The following IRS2 variants were observed in gnomAD, a reference collection of about 807,000 sequenced individuals.
IRS2 encodes the protein insulin receptor substrate 2.
A neutral mutation model predicts 70.9 loss-of-function variants in IRS2; 28 were observed. The ratio of observed to expected loss-of-function variants is 0.39; its 90% CI spans 0.29 to 0.54. The LOEUF is 0.54. Among genes scored for constraint, IRS2 ranks in the 20% least tolerant of loss-of-function variants. The probability of loss-of-function intolerance (pLI) is 0.59; values close to 1 mark genes in which losing one functional copy is unlikely to be tolerated. For missense variants in IRS2, 2,081 were observed against 2,024.1 expected (o/e 1.03, Z -0.54); for synonymous variants, 1,217 against 981.9 (o/e 1.24, Z -4.48).
Position 109,753,002 on chromosome 13 carries a change from C to G in IRS2, c.*3302G>C, listed in dbSNP as rs1404590327. ...TTGAGACGGAGTTTCGCTCTTGTTGCCCAGGCTGGAGTGCAATGGCATTAT... is the reference window on the plus strand; with the variant it reads ...TTGAGACGGAGTTTCGCTCTTGTTGGCCAGGCTGGAGTGCAATGGCATTAT... On this transcript the variant is annotated 3_prime_UTR_variant, in exon 2 of 2. Coordinates refer to ENST00000375856, the MANE Select transcript of IRS2 (RefSeq NM_003749.3). The G allele has an allele frequency of 1.5e-5, 2 of 134,582 alleles. No homozygotes were observed. The highest frequency in any genetic ancestry group is 5.4e-5 in the African/African-American group (2 of 36,816). 8.3% of individuals were successfully genotyped at this position (134,582 alleles called of 1,614,324 possible).
In IRS2 at chr13:109,783,957, G is replaced by A. The variant is rs1877822846; in HGVS notation, c.2097C>T (p.Ala699=). 1 of 1,508,924 alleles carries A rather than the reference G, an allele frequency of 6.6e-7. No individual in the cohort carries two copies. The highest frequency in any genetic ancestry group is 2.5e-5 in the East Asian group (1 of 39,922). 93.5% of individuals were successfully genotyped at this position (1,508,924 alleles called of 1,614,324 possible). The part of the protein sequence containing the change: ...ILQPRAAAAA[A]AAVPSAGPAG... ...CAGGCCCCGCAGAAGGCACGGCGGCGGCGGCGGCGGCGGCGGCCCTGGGCT... is the reference window on the plus strand; with the variant it reads ...CAGGCCCCGCAGAAGGCACGGCGGCAGCGGCGGCGGCGGCGGCCCTGGGCT... Residue 699 remains alanine, a synonymous_variant, in exon 1 of 2, where the codon GCC becomes GCT. Coordinates refer to ENST00000375856, the MANE Select transcript of IRS2 (RefSeq NM_003749.3).
At chr13:109,757,749 T>C (rs1322866471) in intron 1 of IRS2, among the ~76,000 whole-genome samples, 2 of 152,204 alleles carry the variant, frequency 1.3e-5, no homozygotes, top group East Asian at 3.8e-4. Context: ...TGGCATGATC[T>C]TGGTTCACTG....
rs2138929668 is a variant in IRS2, at chr13:109,782,418, AG to A, written c.3635del (p.Pro1212LeufsTer47). The A allele has an allele frequency of 6.3e-7, 1 of 1,598,456 alleles. No homozygotes were observed. The stretch of plus-strand genomic sequence containing the variant: ...TCCACGGCCGGCCCTGCGGTGCCAA[AG>A]GGGGCGCCGGCTGCAACTGTCGTGG... The part of the protein sequence containing the change: ...TSPRQLQPAP[P>X]LAPQGRPWTP... On this transcript the variant is annotated frameshift_variant, in exon 1 of 2. Transcript: ENST00000375856. LOFTEE classifies it high-confidence loss of function.
chr13:109,782,821 C>A lies in IRS2; in HGVS notation c.3233G>T (p.Gly1078Val), dbSNP rs1285821453. 2 of 1,590,510 alleles carry A rather than the reference C, an allele frequency of 1.3e-6. No individual in the cohort carries two copies. The highest frequency in any genetic ancestry group is 1.8e-5 in the Admixed American group (1 of 56,406). Reference protein sequence around the residue: ...DNGDYTEMAFGVAATPPQPIA... With the variant: ...DNGDYTEMAFVVAATPPQPIA... ...AGGTTGCGGCGGGGTGGCGGCCACA[C>A]CAAAAGCCATCTCGGTGTAGTCACC... is the stretch of plus-strand genomic sequence containing the variant. The change falls in exon 1 of 2, where the codon GGT becomes GTT. Residue 1078 changes from glycine (G) to valine (V), a missense_variant. By Grantham distance (109) the Gly-to-Val change is moderately radical. Around this residue, in one of 4 missense-constraint regions of IRS2, gnomAD observed 1,615 missense variants for 1,459.5 expected, o/e 1.11. Transcript: ENST00000375856.
rs1196498218 is a variant in IRS2, at chr13:109,782,744, C to A, written c.3310G>T (p.Gly1104Cys). The change falls in exon 1 of 2, where the codon GGC becomes TGC. Residue 1104 changes from glycine to cysteine, a missense_variant. Gly to Cys is a radical substitution (Grantham distance 159, BLOSUM62 -3). Coordinates refer to ENST00000375856, the MANE Select transcript of IRS2 (RefSeq NM_003749.3). ...TCCATGAGGCTCAGCCTCTTCACGC[C>A]CGACGTCGGGCTGGCCACGCGGGCA... ...EAARVASPTSGVKRLSLMEQV... is the reference protein window; with the variant it reads ...EAARVASPTSCVKRLSLMEQV... The A allele has an allele frequency of 6.3e-7, 1 of 1,599,354 alleles. No homozygotes were observed.
At chr13:109,762,910 T>C (rs1046668661) in intron 1 of IRS2, among the ~76,000 whole-genome samples, 7 of 152,194 alleles carry the variant, frequency 4.6e-5, no homozygotes, top group Non-Finnish European at 1.5e-5. Flanking sequence ...AAGAAAACCC[T>C]TTCCAGCCCA....
At chr13:109,759,172 G>T (rs1234254814) in intron 1 of IRS2, among the ~76,000 whole-genome samples, 4 of 152,210 alleles carry the variant, frequency 2.6e-5, no homozygotes, top group Admixed American at 2.6e-4. Flanking sequence ...CCTGTCTCCT[G>T]TTAGGTTAAT....
At chr13:109,769,368 T>C (rs899555002) in intron 1 of IRS2, among the ~76,000 whole-genome samples, 1 of 152,212 alleles carries the variant, frequency 6.6e-6, no homozygotes, top group African/African-American at 2.4e-5. Flanking sequence ...CAATTCCTCC[T>C]GGTCCCTTAC....
intron 1 of IRS2, among the ~76,000 whole-genome samples, chr13:109,768,887 A>G (rs192086368): frequency 1.3e-5 from 2 of 152,248 alleles, no homozygotes; most frequent in Admixed American, 1.3e-4. Context: ...CAGGCCTCAG[A>G]TTTTCCATTA....
Position 109,783,511 on chromosome 13 carries a change from C to G in IRS2, c.2543G>C (p.Ser848Thr). 1 of 1,547,634 alleles carries G rather than the reference C, an allele frequency of 6.5e-7. No individual in the cohort carries two copies. Among genetic ancestry groups the G allele is most frequent in the Non-Finnish European group, 8.7e-7 (1 of 1,146,156 alleles). The change falls in exon 1 of 2, where the codon AGC becomes ACC. Residue 848 changes from serine (S) to threonine (T), a missense_variant. This residue lies in a region of IRS2 where 1,615 missense variants were observed against 1,459.5 expected (regional missense o/e 1.11). Coordinates refer to ENST00000375856, the MANE Select transcript of IRS2 (RefSeq NM_003749.3). ...GGCCCCGAAGGCGCTGGCCGCCTGGCTGGGCCCTGGCGTGGCCTGAGGCTC... is the reference window on the plus strand; with the variant it reads ...GGCCCCGAAGGCGCTGGCCGCCTGGGTGGGCCCTGGCGTGGCCTGAGGCTC... ...RLEPQATPGP[S>T]QAASAFGAGP...
chr13:109,782,556 G>A lies in IRS2; in HGVS notation c.3498C>T (p.Ala1166=). Residue 1166 remains alanine (A), a synonymous_variant, in exon 1 of 2, where the codon GCC becomes GCT. Coordinates refer to ENST00000375856, the MANE Select transcript of IRS2 (RefSeq NM_003749.3). ...CCGAGTTGTGGCGCTTGGGGTTGTG[G>A]GCGAAGGACGGGGACACGGGGGTGA... ...TTVTPVSPSF[A]HNPKRHNSAS... is the part of the protein sequence containing the mutation. The A allele has an allele frequency of 6.4e-7, 1 of 1,564,582 alleles. No individual in the cohort carries two copies. The highest frequency in any genetic ancestry group is 8.7e-7 in the Non-Finnish European group (1 of 1,154,880).
chr13:109,782,344 G>C lies in IRS2; in HGVS notation c.3710C>G (p.Ser1237Trp). Reference protein sequence around the residue: ...GLVGCPGSGGSPMRRETSAGF... With the variant: ...GLVGCPGSGGWPMRRETSAGF... ...GGCAGAGGTCTCTCTGCGCATGGGC[G>C]ATCCACCGCTCCCAGGACAACCGAC... The change falls in exon 1 of 2, where the codon TCG becomes TGG. Residue 1237 changes from serine (S) to tryptophan (W), a missense_variant. Transcript: ENST00000375856. 1 of 1,611,688 alleles carries C rather than the reference G, an allele frequency of 6.2e-7. No individual in the cohort carries two copies. The highest frequency in any genetic ancestry group is 1.7e-5 in the Admixed American group (1 of 59,990).
At position 109,755,932 on chromosome 13, in the gene IRS2, C is replaced by T; in HGVS notation, c.*372G>A. The T allele has an allele frequency of 2.9e-6, 1 of 348,894 alleles. No homozygotes were observed. The highest frequency in any genetic ancestry group is 5.4e-6 in the Non-Finnish European group (1 of 186,384). The allele number at this position is 348,894 out of a possible 1,614,324, so 21.6% of individuals were successfully genotyped here. A position where few individuals can be genotyped will look rare whatever the true frequency, so the allele number is the denominator to read the frequency against. On this transcript the variant is annotated 3_prime_UTR_variant, in exon 2 of 2. Transcript: ENST00000375856. ...GGTACGGGTGCACTCTCCTAGCATG[C>T]TGAGGGTTATATCTGCTTTGCCAAA...
At position 109,784,143 on chromosome 13, in the gene IRS2, G is replaced by T. The variant is rs1877833601; in HGVS notation, c.1911C>A (p.Ile637=). Residue 637 remains isoleucine (I), a synonymous_variant, in exon 1 of 2, where the codon ATC becomes ATA. Transcript: ENST00000375856. The surrounding 1 kb of genome is among the most constrained non-coding windows in gnomAD (Gnocchi z 5.2). ...TGCTGCTGGAGCTCCTGTGGGAGCC[G>T]ATCTCGATGTCTCCGTAGTCCTCTG... ...PYPEDYGDIE[I]GSHRSSSSNL... 1.3e-6 allele frequency: 2 copies of T among 1,592,392 alleles called. No individual in the cohort carries two copies. Among genetic ancestry groups the T allele is most frequent in the Admixed American group, 1.7e-5 (1 of 59,160 alleles).
chr13:109,762,796 C>G (rs1304660300), intron 1 of IRS2, among the ~76,000 whole-genome samples: 1 of 152,206 alleles, frequency 6.6e-6, no homozygotes, highest in African/African-American at 2.4e-5. Context: ...CCATGTGGTT[C>G]ATGCCATTTC....
At position 109,783,838 on chromosome 13, in the gene IRS2, T is replaced by C; in HGVS notation, c.2216A>G (p.Asp739Gly). 6.3e-7 allele frequency: 1 copy of C among 1,577,766 alleles called. No individual in the cohort carries two copies. Among genetic ancestry groups the C allele is most frequent in the Non-Finnish European group, 8.6e-7 (1 of 1,162,182 alleles). The part of the protein sequence containing the change: ...ASSPAESSPE[D>G]SGYMRMWCGS... ...GCACCACATGCGCATGTACCCACTGTCCTCGGGGGAGCTCTCGGCGGGCGA... is the reference window on the plus strand; with the variant it reads ...GCACCACATGCGCATGTACCCACTGCCCTCGGGGGAGCTCTCGGCGGGCGA... Residue 739 changes from aspartate (D) to glycine (G), a missense_variant, in exon 1 of 2, where the codon GAC (aspartate) becomes GGC (glycine). This residue lies in a region of IRS2 where 1,615 missense variants were observed against 1,459.5 expected (regional missense o/e 1.11). Transcript: ENST00000375856.
intron 1 of IRS2, among the ~76,000 whole-genome samples, chr13:109,762,088 G>A (rs776736548): frequency 2.4e-4 from 37 of 152,142 alleles, no homozygotes; most frequent in Non-Finnish European, 4.9e-4. Context: ...CTATACAGGA[G>A]CCTGTATAAA....
Position 109,784,639 on chromosome 13 carries a change from G to A in IRS2, c.1415C>T (p.Pro472Leu), listed in dbSNP as rs779042709. The change falls in exon 1 of 2, where the codon CCG (proline) becomes CTG (leucine). Residue 472 changes from proline (P) to leucine (L), a missense_variant. Physicochemically the swap from Pro to Leu is moderately conservative, Grantham distance 98 (BLOSUM62 -3). Around this residue, in one of 4 missense-constraint regions of IRS2, gnomAD observed 1,615 missense variants for 1,459.5 expected, o/e 1.11. Transcript: ENST00000375856. The surrounding 1 kb of genome is among the most constrained non-coding windows in gnomAD (Gnocchi z 5.2). Reference protein sequence around the residue: ...PPGPHPPLPHPLHHGPGQRPS... With the variant: ...PPGPHPPLPHLLHHGPGQRPS... Reference sequence around the variant, plus strand: ...CCGCTGGCCGGGGCCGTGGTGCAGCGGATGCGGCAGAGGCGGGTGCGGGCC... The same window carrying A: ...CCGCTGGCCGGGGCCGTGGTGCAGCAGATGCGGCAGAGGCGGGTGCGGGCC... 5 of 1,298,090 alleles carry A rather than the reference G, an allele frequency of 3.9e-6. No homozygotes were observed. Among genetic ancestry groups the A allele is most frequent in the East Asian group, 3.1e-5 (1 of 31,966 alleles). The allele number at this position is 1,298,090 out of a possible 1,614,324, so 80.4% of individuals were successfully genotyped here. A position where few individuals can be genotyped will look rare whatever the true frequency, so the allele number is the denominator to read the frequency against.
rs998026550 is a variant in IRS2 at position 109,783,704 on chromosome 13, A to G, written c.2350T>C (p.Phe784Leu). Residue 784 changes from phenylalanine (F) to leucine (L), a missense_variant, in exon 1 of 2, where the codon TTC (phenylalanine) becomes CTC (leucine). Transcript: ENST00000375856. ...AVTTGTPPDF[F>L]SAALHPGGEP... ...CCGCCGGGGTGCAGGGCTGCGGAGA[A>G]GAAGTCGGGCGGGGTGCCCGTGGTG... The G allele has an allele frequency of 6.4e-7, 1 of 1,567,944 alleles. No homozygotes were observed. The highest frequency in any genetic ancestry group is 8.6e-7 in the Non-Finnish European group (1 of 1,156,468).
Sources: allele counts gnomAD v4.1 joint callset (sites outside exome capture counted in the v4.1 genomes callset), GRCh38; gene constraint gnomAD v4.1.1; regional missense constraint gnomAD v4.1.1; non-coding constraint Gnocchi (gnomAD v3.1); transcripts MANE v1.5; gene names NCBI Gene and HGNC (gene_info 2026-07-23, HGNC 2026-07-21).